The following AP3B1 variants were observed in gnomAD, a reference collection of about 807,000 sequenced individuals.
The protein encoded by AP3B1 is adaptor related protein complex 3 subunit beta 1.
In AP3B1, 61 loss-of-function variants were observed where a neutral mutation model predicts 132.5. That is an observed-to-expected ratio of 0.46 (90% confidence interval 0.37 to 0.57). AP3B1 has a LOEUF of 0.57. AP3B1 is among the 20% of genes least tolerant of loss of function. The pLI is 0.00. For missense variants in AP3B1, 1,120 were observed against 1,289.4 expected (o/e 0.87, Z 2.01); for synonymous variants, 388 against 438.3 (o/e 0.89, Z 1.43).
intron 3 of AP3B1, among the ~76,000 whole-genome samples, chr5:78,232,671 A>G (rs190094609): frequency 2.6e-5 from 4 of 152,202 alleles, no homozygotes; most frequent in Non-Finnish European, 5.9e-5. Context: ...AGACTAGTTC[A>G]CTGAAGCCTC....
intron 12 of AP3B1, among the ~76,000 whole-genome samples, chr5:78,165,040 A>G (rs1317991912): frequency 6.6e-6 from 1 of 152,212 alleles, no homozygotes; most frequent in African/African-American, 2.4e-5. Context: ...TCCATCATAA[A>G]GGGTATCATG....
chr5:78,010,745 T>C (rs1265321576), intron 26 of AP3B1, among the ~76,000 whole-genome samples: 2 of 152,166 alleles, frequency 1.3e-5, no homozygotes, highest in African/African-American at 4.8e-5. Context: ...CCTTTCACCT[T>C]TGCAGTCCAT....
chr5:78,048,922 C>T (rs142416264), intron 22 of AP3B1, among the ~76,000 whole-genome samples: 1 of 152,150 alleles, frequency 6.6e-6, no homozygotes, highest in African/African-American at 2.4e-5. Context: ...ATGCCCCCTT[C>T]CCCCACTTTC....
chr5:78,251,937 G>A (rs962635036), intron 2 of AP3B1, among the ~76,000 whole-genome samples: 1 of 152,174 alleles, frequency 6.6e-6, no homozygotes, highest in Admixed American at 6.5e-5. Flanking sequence ...TTCCACTTGA[G>A]GAGAGGAGAG....
At chr5:78,171,599 A>C (rs913134867) in intron 11 of AP3B1, among the ~76,000 whole-genome samples, 1 of 152,164 alleles carries the variant, frequency 6.6e-6, no homozygotes, top group Non-Finnish European at 1.5e-5. Context: ...ATCCTGAGAC[A>C]CTTTGCTGAA....
At chr5:78,225,644 T>C (rs752689540) in intron 5 of AP3B1, 36 bp from the exon 6 acceptor site, 3 of 1,361,612 alleles carry the variant, frequency 2.2e-6, no homozygotes, top group East Asian at 4.6e-5. Context: ...AATTTTTCCC[T>C]TTAATTCTAG....
Position 78,015,375 on chromosome 5 carries a change from A to G in AP3B1, c.3131+35T>C. The G allele has an allele frequency of 1.9e-6, 3 of 1,609,718 alleles. No homozygotes were observed. The South Asian group carries it at 3.3e-5, about 18-fold the overall frequency. On this transcript the variant is annotated intron_variant, in intron 26 of 26. Coordinates refer to ENST00000255194, the MANE Select transcript of AP3B1 (RefSeq NM_003664.5). ...TTATATATTTATACATATTCAAGTC[A>G]TCTTCACCTCCACATCGTGTGTTAG...
chr5:78,188,848 C>T (rs988018072), intron 7 of AP3B1, among the ~76,000 whole-genome samples: 2 of 152,096 alleles, frequency 1.3e-5, no homozygotes, highest in Non-Finnish European at 2.9e-5. Flanking sequence ...CAATGACAGA[C>T]TACATAAAGA....
At chr5:78,131,706 T>C (rs751448103) in intron 15 of AP3B1, among the ~76,000 whole-genome samples, 6 of 152,114 alleles carry the variant, frequency 3.9e-5, no homozygotes, top group Non-Finnish European at 8.8e-5. Context: ...ATAGGTGAGA[T>C]AGTGCAAATG....
At chr5:78,047,508 G>C (rs138449807) in intron 22 of AP3B1, among the ~76,000 whole-genome samples, 7,892 of 152,194 alleles carry the variant, frequency 0.052, 692 homozygotes, top group African/African-American at 0.18. Flanking sequence ...CTTTTGAGAA[G>C]TATCTGTTCA....
chr5:78,013,661 AAAG>A (rs1317757302), intron 26 of AP3B1, among the ~76,000 whole-genome samples: 1 of 152,246 alleles, frequency 6.6e-6, no homozygotes, highest in Non-Finnish European at 1.5e-5. Flanking sequence ...AGGAAAGTGA[AAAG>A]AAGTATTTAA....
intron 19 of AP3B1, 110 bp from the exon 20 acceptor site, chr5:78,110,464 G>A (rs1217594691): frequency 1.3e-6 from 1 of 756,514 alleles, no homozygotes; most frequent in African/African-American, 1.8e-5. Context: ...AATAAAAAAG[G>A]TATTACCCAT....
intron 1 of AP3B1, among the ~76,000 whole-genome samples, chr5:78,276,580 A>G (rs1748784677): frequency 6.6e-6 from 1 of 152,114 alleles, no homozygotes; most frequent in African/African-American, 2.4e-5. Flanking sequence ...AAAAAATCCA[A>G]AAATTAGTTG....
At chr5:78,233,840 G>A (rs946388613) in intron 3 of AP3B1, among the ~76,000 whole-genome samples, 12 of 144,644 alleles carry the variant, frequency 8.3e-5, no homozygotes, top group Non-Finnish European at 1.5e-4. Context: ...TGCAAACAGG[G>A]GCATGTTCCT....
intron 7 of AP3B1, among the ~76,000 whole-genome samples, chr5:78,204,893 C>T (rs985615829): frequency 1.3e-5 from 2 of 152,070 alleles, no homozygotes; most frequent in Non-Finnish European, 2.9e-5. Context: ...AAACCTTTGA[C>T]TATTTTCTGA....
intron 18 of AP3B1, 22 bp from the exon 19 acceptor site, chr5:78,113,945 T>C (rs1751710530): frequency 4.3e-6 from 7 of 1,611,706 alleles, no homozygotes; most frequent in Non-Finnish European, 5.9e-6. Flanking sequence ...AACCAGATGT[T>C]CTTAGATTTA....
At chr5:78,117,997 C>A (rs745832328) in intron 17 of AP3B1, among the ~76,000 whole-genome samples, 1 of 152,126 alleles carries the variant, frequency 6.6e-6, no homozygotes, top group Admixed American at 6.6e-5. Flanking sequence ...GAGTCTACAG[C>A]ATGACAGAAT....
Position 78,061,924 on chromosome 5 carries a change from G to A in AP3B1, c.2578-22650C>T, listed in dbSNP as rs537022558. Among the ~76,000 whole-genome samples the A allele has an allele frequency of 3.9e-5, 6 of 152,314 alleles. No individual in the cohort carries two copies. The South Asian group carries it at 1.0e-3, about 26-fold the overall frequency. On this transcript the variant is annotated intron_variant, in intron 22 of 26. Coordinates refer to ENST00000255194, the MANE Select transcript of AP3B1 (RefSeq NM_003664.5). Reference sequence around the variant, plus strand: ...ATGTATCAACTTAAAGAAAGGCAAAGTGATTGATGAAACCAGCAGTCACCT... The same window carrying A: ...ATGTATCAACTTAAAGAAAGGCAAAATGATTGATGAAACCAGCAGTCACCT...
At chr5:78,225,708 A>C (rs1746373426) in intron 5 of AP3B1, 100 bp from the exon 6 acceptor site, 1 of 715,524 alleles carries the variant, frequency 1.4e-6, no homozygotes, top group South Asian at 1.7e-5. Flanking sequence ...AAAGAGGGAA[A>C]GGAGAGCAAG....
Sources: allele counts gnomAD v4.1 joint callset (sites outside exome capture counted in the v4.1 genomes callset), GRCh38; gene constraint gnomAD v4.1.1; transcripts MANE v1.5; gene names NCBI Gene and HGNC (gene_info 2026-07-23, HGNC 2026-07-21).